RBM12B: variants seen among roughly 807,000 people sequenced by gnomAD.
The protein encoded by RBM12B is RNA binding motif protein 12B, also known as RNA-binding protein 12B.
In RBM12B, 10 loss-of-function variants were observed where a neutral mutation model predicts 34.3. That is an observed-to-expected ratio of 0.29 (90% CI 0.18 to 0.49). The LOEUF is 0.49. RBM12B is among the 20% of genes least tolerant of loss of function. RBM12B has a pLI of 0.99. For missense variants in RBM12B, 1,139 were observed against 1,262.7 expected (o/e 0.90, Z 1.48); for synonymous variants, 477 against 437.1 (o/e 1.09, Z -1.14).
At position 93,728,164 on chromosome 8, in the gene RBM12B, G is replaced by T. The variant is rs1586302427; in HGVS notation, c.*5241C>A. The T allele has an allele frequency of 7.7e-7, 1 of 1,302,514 alleles. No homozygotes were observed. Among genetic ancestry groups the T allele is most frequent in the Non-Finnish European group, 1.0e-6 (1 of 967,342 alleles). The allele number at this position is 1,302,514 out of a possible 1,614,324, so 80.7% of individuals were successfully genotyped here. Reference sequence around the variant, plus strand: ...TACCAAGAATGTAAAATTTTTTTAAGTTAGTATTTTTATTTTAAAAAGTGT... The same window carrying T: ...TACCAAGAATGTAAAATTTTTTTAATTTAGTATTTTTATTTTAAAAAGTGT... On this transcript the variant is annotated 3_prime_UTR_variant, in exon 4 of 4. Coordinates refer to ENST00000520560, the MANE Select transcript of RBM12B (RefSeq NM_001377960.1).
rs1446898391 is a variant in RBM12B at position 93,735,133 on chromosome 8, A to T, written c.1278T>A (p.Ala426=). The T allele has an allele frequency of 5.6e-6, 9 of 1,614,030 alleles. No individual in the cohort carries two copies. Among genetic ancestry groups the T allele is most frequent in the Non-Finnish European group, 7.6e-6 (9 of 1,180,030 alleles). The change falls in exon 4 of 4, where the codon GCT becomes GCA. Residue 426 remains alanine, a synonymous_variant. Transcript: ENST00000520560. ...VQKFFADFLL[A]EDDIYLLYDD... is the part of the protein sequence containing the mutation. ...CATAAAGCAAGTAAATGTCATCCTCAGCAAGAAGAAAGTCTGCAAAGAACT... is the reference window on the plus strand; with the variant it reads ...CATAAAGCAAGTAAATGTCATCCTCTGCAAGAAGAAAGTCTGCAAAGAACT...
rs753452726 is a variant in RBM12B at position 93,733,705 on chromosome 8, A to G, written c.2706T>C (p.Asn902=). 1.2e-6 allele frequency: 2 copies of G among 1,614,114 alleles called. No homozygotes were observed. The highest frequency in any genetic ancestry group is 2.2e-5 in the East Asian group (1 of 44,882). ...EGGKFDFGKH[N]MGSFPEGRFM... is the part of the protein sequence containing the mutation. ...ATCTCCCCTCAGGAAAACTTCCCAT[A>G]TTATGCTTTCCAAAATCAAACTTGC... Residue 902 remains asparagine (N), a synonymous_variant, in exon 4 of 4, where the codon AAT becomes AAC. Transcript: ENST00000520560.
At position 93,734,868 on chromosome 8, in the gene RBM12B, CT is replaced by C; in HGVS notation, c.1542del (p.Asp515ThrfsTer17). 1 of 1,614,104 alleles carries C rather than the reference CT, an allele frequency of 6.2e-7. No individual in the cohort carries two copies. The highest frequency in any genetic ancestry group is 8.5e-7 in the Non-Finnish European group (1 of 1,180,014). On this transcript the variant is annotated frameshift_variant, in exon 4 of 4. Coordinates refer to ENST00000520560, the MANE Select transcript of RBM12B (RefSeq NM_001377960.1). LOFTEE classifies it low-confidence loss of function (END_TRUNC). Reference sequence around the variant, plus strand: ...GCACCAACTGAGTATATTGGTGGGTCTTTTGAGTCAAATAAATGGGAATGGT... The same window carrying C: ...GCACCAACTGAGTATATTGGTGGGTCTTTGAGTCAAATAAATGGGAATGGT... ...RGDHSHLFDS[K>X]DPPIYSVGAF...
Position 93,734,936 on chromosome 8 carries a change from C to A in RBM12B, c.1475G>T (p.Ser492Ile). Residue 492 changes from serine to isoleucine, a missense_variant, in exon 4 of 4, where the codon AGT becomes ATT. Around this residue, in one of 3 missense-constraint regions of RBM12B, gnomAD observed 863 missense variants for 869.5 expected, o/e 0.99. Coordinates refer to ENST00000520560, the MANE Select transcript of RBM12B (RefSeq NM_001377960.1). ...CTGTGAGCGAGCTTGCATTTTTTCA[C>A]TGGACATCACAGAAAAATTTACACC... is the stretch of plus-strand genomic sequence containing the variant. ...EFGVNFSVMS[S>I]EKMQARSQSR... is the part of the protein sequence containing the mutation. The A allele has an allele frequency of 6.2e-7, 1 of 1,614,060 alleles. No homozygotes were observed. The highest frequency in any genetic ancestry group is 1.1e-5 in the South Asian group (1 of 91,082).
rs545854104 is a variant in RBM12B, at chr8:93,734,835, T to C, written c.1576A>G (p.Asn526Asp). The C allele has an allele frequency of 1.9e-6, 3 of 1,614,164 alleles. No homozygotes were observed. The South Asian group carries it at 3.3e-5, about 18-fold the overall frequency. ...PPIYSVGAFENFRHQLEDLRQ... is the reference protein window; with the variant it reads ...PPIYSVGAFEDFRHQLEDLRQ... ...AAGTCCTCTAGCTGATGTCTAAAGTTTTCAAAAGCACCAACTGAGTATATT... is the reference window on the plus strand; with the variant it reads ...AAGTCCTCTAGCTGATGTCTAAAGTCTTCAAAAGCACCAACTGAGTATATT... The change falls in exon 4 of 4, where the codon AAC becomes GAC. Residue 526 changes from asparagine (N) to aspartate (D), a missense_variant. Asn to Asp is a conservative substitution (Grantham distance 23). This residue lies in a region of RBM12B where 863 missense variants were observed against 869.5 expected (regional missense o/e 0.99). Transcript: ENST00000520560.
intron 2 of RBM12B, among the ~76,000 whole-genome samples, chr8:93,737,595 G>A (rs538632564): frequency 3.3e-5 from 5 of 151,920 alleles, no homozygotes; most frequent in Admixed American, 6.5e-5. Context: ...GAAACTTGCC[G>A]AAAATTTAAC....
chr8:93,731,591 C>T lies in RBM12B; in HGVS notation c.*1814G>A, dbSNP rs1811794502. 1 of 152,124 alleles carries T rather than the reference C, an allele frequency of 6.6e-6. No homozygotes were observed. The highest frequency in any genetic ancestry group is 1.5e-5 in the Non-Finnish European group (1 of 67,988). 9.4% of individuals were successfully genotyped at this position (152,124 alleles called of 1,614,324 possible). Reference sequence around the variant, plus strand: ...ATTTAAGCAGATTTCTGTTAGATTTCTTTAAATCACTGAAAAGTAACACAA... The same window carrying T: ...ATTTAAGCAGATTTCTGTTAGATTTTTTTAAATCACTGAAAAGTAACACAA... On this transcript the variant is annotated 3_prime_UTR_variant, in exon 4 of 4. Coordinates refer to ENST00000520560, the MANE Select transcript of RBM12B (RefSeq NM_001377960.1).
chr8:93,734,116 C>A lies in RBM12B; in HGVS notation c.2295G>T (p.Arg765=), dbSNP rs766839485. 5.1e-6 allele frequency: 8 copies of A among 1,555,954 alleles called. No individual in the cohort carries two copies. Among genetic ancestry groups the A allele is most frequent in the Non-Finnish European group, 6.1e-6 (7 of 1,153,362 alleles). ...FRRPPPEHFR[R]PPPEHFRRPP... ...GGCGCCTGAAATGCTCTGGGGGTGG[C>A]CGCCTGAAGTGCTCTGGGGGTGGCC... Residue 765 remains arginine (R), a synonymous_variant, in exon 4 of 4, where the codon CGG becomes CGT. Coordinates refer to ENST00000520560, the MANE Select transcript of RBM12B (RefSeq NM_001377960.1).
chr8:93,735,305 C>T lies in RBM12B; in HGVS notation c.1106G>A (p.Arg369His), dbSNP rs566862215. 25 of 1,613,970 alleles carry T rather than the reference C, an allele frequency of 1.5e-5. No homozygotes were observed. The highest frequency in any genetic ancestry group is 6.7e-5 in the African/African-American group (5 of 75,016). ...SRKQMLKFIA[R>H]YEKKRSGSLE... ...TGACCCTGATCTCTTCTTTTCATAA[C>T]GTGCAATGAACTTCAGCATTTGTTT... The change falls in exon 4 of 4, where the codon CGT becomes CAT. Residue 369 changes from arginine (R) to histidine (H), a missense_variant. This residue lies in a region of RBM12B where 863 missense variants were observed against 869.5 expected (regional missense o/e 0.99). Coordinates refer to ENST00000520560, the MANE Select transcript of RBM12B (RefSeq NM_001377960.1).
chr8:93,737,296 G>A lies in RBM12B; in HGVS notation c.-29+11C>T, dbSNP rs762254370. The A allele has an allele frequency of 6.6e-6, 1 of 152,046 alleles. No individual in the cohort carries two copies. The highest frequency in any genetic ancestry group is 1.5e-5 in the Non-Finnish European group (1 of 68,022). The allele number at this position is 152,046 out of a possible 1,614,324, so 9.4% of individuals were successfully genotyped here. On this transcript the variant is annotated intron_variant, in intron 3 of 3. Coordinates refer to ENST00000520560, the MANE Select transcript of RBM12B (RefSeq NM_001377960.1). ...GTTGAGCCTCAAAGCCTTAAACTCT[G>A]GATATCTTACCTTTTTTAAAATTTC...
Position 93,728,579 on chromosome 8 carries a change from T to C in RBM12B, c.*4826A>G, listed in dbSNP as rs1811653984. 2 of 222,974 alleles carry C rather than the reference T, an allele frequency of 9.0e-6. No individual in the cohort carries two copies. The highest frequency in any genetic ancestry group is 1.7e-5 in the Non-Finnish European group (2 of 114,722). The allele number at this position is 222,974 out of a possible 1,614,324, so 13.8% of individuals were successfully genotyped here. The stretch of plus-strand genomic sequence containing the variant: ...TTTCATATTAATGTACTATATCTAC[T>C]TGAAGTTCCAATAGTACATTATGAC... On this transcript the variant is annotated 3_prime_UTR_variant, in exon 4 of 4. Coordinates refer to ENST00000520560, the MANE Select transcript of RBM12B (RefSeq NM_001377960.1).
At chr8:93,737,477 A>G (rs1812056675) in intron 2 of RBM12B, 122 bp from the exon 3 acceptor site, 1 of 152,194 alleles carries the variant, frequency 6.6e-6, no homozygotes, top group Non-Finnish European at 1.5e-5. Flanking sequence ...AGGAACCACA[A>G]TTACGGGTGT....
intron 2 of RBM12B, among the ~76,000 whole-genome samples, chr8:93,739,440 AAACT>A (rs1812123954): frequency 6.6e-6 from 1 of 152,234 alleles, no homozygotes; most frequent in East Asian, 1.9e-4. Context: ...CAGTTAAACA[AAACT>A]AATGCTTAAA....
Position 93,735,817 on chromosome 8 carries a change from T to C in RBM12B, c.594A>G (p.Ile198Met). 6.2e-7 allele frequency: 1 copy of C among 1,614,114 alleles called. No homozygotes were observed. The highest frequency in any genetic ancestry group is 1.1e-5 in the South Asian group (1 of 91,080). Residue 198 changes from isoleucine to methionine, a missense_variant, in exon 4 of 4, where the codon ATA (isoleucine) becomes ATG (methionine). This residue lies in a region of RBM12B where 216 missense variants were observed against 292.2 expected (regional missense o/e 0.74). Coordinates refer to ENST00000520560, the MANE Select transcript of RBM12B (RefSeq NM_001377960.1). ...CATCAACACATGAAGCAAATTTTAC[T>C]ATGGCATCACCATTATTTCGGCCAT... is the stretch of plus-strand genomic sequence containing the variant. ...HHDGRNNGDA[I>M]VKFASCVDAS... is the part of the protein sequence containing the mutation.
chr8:93,739,894 TTC>T (rs1277119534), intron 2 of RBM12B, among the ~76,000 whole-genome samples: 1 of 152,188 alleles, frequency 6.6e-6, no homozygotes, highest in Non-Finnish European at 1.5e-5. Context: ...AACGTGCCTC[TTC>T]TAATCAAGAC....
chr8:93,735,060 C>T lies in RBM12B; in HGVS notation c.1351G>A (p.Glu451Lys). ...CGTTCAGCTTTCATGGCCTGTTCTT[C>T]TGATTTAAATTTCACTAATGCTTCT... Reference protein sequence around the residue: ...LGEALVKFKSEEQAMKAERLN... With the variant: ...LGEALVKFKSKEQAMKAERLN... Residue 451 changes from glutamate to lysine, a missense_variant, in exon 4 of 4, where the codon GAA (glutamate) becomes AAA (lysine). By Grantham distance (56) the Glu-to-Lys change is moderately conservative. Transcript: ENST00000520560. The T allele has an allele frequency of 1.2e-6, 2 of 1,614,132 alleles. No individual in the cohort carries two copies. The highest frequency in any genetic ancestry group is 2.2e-5 in the South Asian group (2 of 91,082).
At chr8:93,740,314 G>GC in intron 2 of RBM12B, 1 of 457,214 alleles carries the variant, frequency 2.2e-6, no homozygotes, top group Non-Finnish European at 4.4e-6. Context: ...CGATTCTACA[G>GC]CCCAAAGCCT....
rs745694021 is a variant in RBM12B at position 93,735,802 on chromosome 8, T to G, written c.609A>C (p.Ser203=). ...TAAGACCTCCTGAAGCATCAACACA[T>G]GAAGCAAATTTTACTATGGCATCAC... is the stretch of plus-strand genomic sequence containing the variant. ...NNGDAIVKFA[S]CVDASGGLKC... The change falls in exon 4 of 4, where the codon TCA becomes TCC. Residue 203 remains serine (S), a synonymous_variant. Transcript: ENST00000520560. The G allele has an allele frequency of 1.2e-6, 2 of 1,614,110 alleles. No homozygotes were observed. Among genetic ancestry groups the G allele is most frequent in the South Asian group, 2.2e-5 (2 of 91,080 alleles).
In RBM12B at chr8:93,734,651, A is replaced by T. The variant is rs1811950044; in HGVS notation, c.1760T>A (p.Phe587Tyr). The T allele has an allele frequency of 6.2e-7, 1 of 1,612,898 alleles. No individual in the cohort carries two copies. The highest frequency in any genetic ancestry group is 1.7e-5 in the Admixed American group (1 of 59,910). Residue 587 changes from phenylalanine (F) to tyrosine (Y), a missense_variant, in exon 4 of 4, where the codon TTC becomes TAC. Around this residue, in one of 3 missense-constraint regions of RBM12B, gnomAD observed 863 missense variants for 869.5 expected, o/e 0.99. Coordinates refer to ENST00000520560, the MANE Select transcript of RBM12B (RefSeq NM_001377960.1). ...GAAGTCCTCCTCAGAAGGCCGCCTG[A>T]AGTCTTCCTCCCTAGGTCGCCTGAA... ...EDFRRPREED[F>Y]RRPSEEDFRR...
Sources: allele counts gnomAD v4.1 joint callset (sites outside exome capture counted in the v4.1 genomes callset), GRCh38; gene constraint gnomAD v4.1.1; regional missense constraint gnomAD v4.1.1; transcripts MANE v1.5; gene names NCBI Gene and HGNC (gene_info 2026-07-23, HGNC 2026-07-21).